VPS13C: variants seen among roughly 807,000 people sequenced by gnomAD.
VPS13C encodes intermembrane lipid transfer protein VPS13C.
VPS13C carries 358 observed loss-of-function variants against 456.8 expected under a neutral mutation model. The ratio of observed to expected loss-of-function variants is 0.78; its 90% confidence interval spans 0.72 to 0.86. The LOEUF is 0.86. VPS13C is among the 40% of genes least tolerant of loss of function. VPS13C has a pLI of 0.00. For synonymous variants in VPS13C, 1,578 were observed against 1,486.7 expected, an observed-to-expected ratio of 1.06 and a Z score of -1.41; for missense variants, 4,818 against 4,385.4, an observed-to-expected ratio of 1.10 and a Z score of -2.79.
At chr15:62,041,762 G>T (rs1287073199) in intron 2 of VPS13C, among the ~76,000 whole-genome samples, 1 of 152,208 alleles carries the variant, frequency 6.6e-6, no homozygotes, top group East Asian at 1.9e-4. Flanking sequence ...AGAGGTTGCA[G>T]TGAGTCGGGA....
At chr15:61,874,850 C>T (rs1274428318) in intron 77 of VPS13C, 26 bp downstream of exon 77, 4 of 1,543,434 alleles carry the variant, frequency 2.6e-6, no homozygotes, top group Non-Finnish European at 3.5e-6. Flanking sequence ...AAAATATACA[C>T]ATATACACAA....
chr15:61,863,013 G>A (rs562035045), intron 82 of VPS13C, among the ~76,000 whole-genome samples: 27 of 152,226 alleles, frequency 1.8e-4, no homozygotes, highest in African/African-American at 6.3e-4. Flanking sequence ...AGGAAAAGCT[G>A]AGATAAACAT....
At chr15:61,869,896 G>C (rs145642983) in intron 79 of VPS13C, among the ~76,000 whole-genome samples, 2,376 of 152,280 alleles carry the variant, frequency 0.016, 30 homozygotes, top group Non-Finnish European at 0.025. Context: ...CACTCCAGGT[G>C]ATCCTGACAC....
rs971658927 is a variant in VPS13C, at chr15:61,987,748, A to G, written c.1579-2749T>C. Among the ~76,000 whole-genome samples the G allele has an allele frequency of 5.3e-5, 8 of 152,332 alleles. No individual in the cohort carries two copies. The South Asian group carries it at 1.7e-3, about 32-fold the overall frequency. On this transcript the variant is annotated intron_variant, in intron 18 of 84. Transcript: ENST00000644861. ...AAATTAAAAAGCCTGGCAATATCAAATGTGGTCAAGAATATGTAGCAACTG... is the reference window on the plus strand; with the variant it reads ...AAATTAAAAAGCCTGGCAATATCAAGTGTGGTCAAGAATATGTAGCAACTG...
chr15:62,017,404 T>C (rs2047295118), intron 9 of VPS13C, among the ~76,000 whole-genome samples: 1 of 152,210 alleles, frequency 6.6e-6, no homozygotes, highest in Middle Eastern at 3.4e-3. Flanking sequence ...TCTTCTAGGG[T>C]TTTTATGGTT....
At chr15:61,887,886 A>C (rs1302909413) in intron 67 of VPS13C, among the ~76,000 whole-genome samples, 1 of 152,156 alleles carries the variant, frequency 6.6e-6, no homozygotes, top group Non-Finnish European at 1.5e-5. Context: ...TTCTGCTGTT[A>C]AAAGCAGTTG....
rs921017356 is a variant in VPS13C, at chr15:61,919,391, C to T, written c.7536G>A (p.Leu2512=). 3 of 1,603,120 alleles carry T rather than the reference C, an allele frequency of 1.9e-6. No individual in the cohort carries two copies. Among genetic ancestry groups the T allele is most frequent in the African/African-American group, 2.7e-5 (2 of 74,212 alleles). The change falls in exon 58 of 85, where the codon TTG becomes TTA. Residue 2512 remains leucine, a synonymous_variant. Coordinates refer to ENST00000644861, the MANE Select transcript of VPS13C (RefSeq NM_020821.3). ...TGGCATTGGGATTCCGTACATTATA[C>T]AATCGCCGTCCAGGTCTGGCCACAG... The part of the protein sequence containing the change: ...NIPVARPGRR[L]YNVRNPNASH...
At chr15:61,865,341 G>T in intron 81 of VPS13C, 1 of 978,234 alleles carries the variant, frequency 1.0e-6, no homozygotes, top group Non-Finnish European at 1.2e-6. Flanking sequence ...ATTAAGACGA[G>T]ATAAAAACAC....
At position 61,884,278 on chromosome 15, in the gene VPS13C, T is replaced by C; in HGVS notation, c.9342-9A>G. 1 of 1,606,712 alleles carries C rather than the reference T, an allele frequency of 6.2e-7. No individual in the cohort carries two copies. The highest frequency in any genetic ancestry group is 8.5e-7 in the Non-Finnish European group (1 of 1,178,102). The stretch of plus-strand genomic sequence containing the variant: ...CCCAAACAACACCAGAACTAAATAA[T>C]TCACACAAAAAAATTAAATTAGCAA... On this transcript the variant is annotated splice_polypyrimidine_tract_variant and intron_variant, in intron 67 of 84. Coordinates refer to ENST00000644861, the MANE Select transcript of VPS13C (RefSeq NM_020821.3).
intron 83 of VPS13C, among the ~76,000 whole-genome samples, chr15:61,855,459 A>T (rs1161272919): frequency 1.3e-5 from 2 of 152,156 alleles, no homozygotes; most frequent in Non-Finnish European, 2.9e-5. Context: ...GACACTCTAC[A>T]ATGTAGTAAT....
In VPS13C at chr15:61,947,294, G is replaced by A. The variant is rs11629838; in HGVS notation, c.4775C>T (p.Ser1592Phe). ...IAVKAVSSNI[S>F]QKDVFDLKIT... ...CTTTAAATCAAACACATCCTTTTGG[G>A]AAATGTTGCTGGATACTAAAAAATA... The change falls in exon 43 of 85, where the codon TCC becomes TTC. Residue 1592 changes from serine to phenylalanine, a missense_variant. Physicochemically the swap from Ser to Phe is radical, Grantham distance 155 (BLOSUM62 -2). This residue lies in a region of VPS13C where 4,552 missense variants were observed against 4,130.6 expected (regional missense o/e 1.10). Coordinates refer to ENST00000644861, the MANE Select transcript of VPS13C (RefSeq NM_020821.3). The A allele has an allele frequency of 1.9e-6, 3 of 1,608,008 alleles. No individual in the cohort carries two copies. Among genetic ancestry groups the A allele is most frequent in the Admixed American group, 1.7e-5 (1 of 58,778 alleles).
At chr15:62,016,248 C>T (rs2140535030) in intron 9 of VPS13C, among the ~76,000 whole-genome samples, 1 of 150,940 alleles carries the variant, frequency 6.6e-6, no homozygotes, top group African/African-American at 2.4e-5. Context: ...ATATGGTTCA[C>T]TGTCCTTAAC....
At chr15:61,899,777 T>C in intron 66 of VPS13C, among the ~76,000 whole-genome samples, 1 of 151,946 alleles carries the variant, frequency 6.6e-6, no homozygotes. Flanking sequence ...CCAGCATCAT[T>C]CTGATACCAA....
At chr15:61,921,557 A>T (rs1271178596) in intron 55 of VPS13C, among the ~76,000 whole-genome samples, 1 of 152,140 alleles carries the variant, frequency 6.6e-6, no homozygotes, top group Non-Finnish European at 1.5e-5. Flanking sequence ...AACTGAAAAA[A>T]AATTAAAAAT....
At chr15:61,995,377 T>G (rs767827627) in intron 16 of VPS13C, among the ~76,000 whole-genome samples, 14 of 152,146 alleles carry the variant, frequency 9.2e-5, no homozygotes, top group Non-Finnish European at 1.6e-4. Flanking sequence ...GCCCACCCCA[T>G]TCCACCCCAC....
At chr15:62,048,627 G>C (rs2048510769) in intron 1 of VPS13C, among the ~76,000 whole-genome samples, 1 of 152,080 alleles carries the variant, frequency 6.6e-6, no homozygotes, top group East Asian at 1.9e-4. Context: ...CCAGTAATGG[G>C]ATGGCTGGGT....
At chr15:61,962,291 T>TTA in intron 34 of VPS13C, 80 bp downstream of exon 34, 1 of 1,339,114 alleles carries the variant, frequency 7.5e-7, no homozygotes, top group South Asian at 1.7e-5. Flanking sequence ...AATCCAAGGT[T>TTA]TATAACATTT....
At chr15:62,012,417 G>GA (rs1434787436) in intron 11 of VPS13C, among the ~76,000 whole-genome samples, 2 of 151,754 alleles carry the variant, frequency 1.3e-5, no homozygotes, top group Non-Finnish European at 2.9e-5. Flanking sequence ...CTCTGACTCC[G>GA]AAAAAATGTA....
intron 67 of VPS13C, among the ~76,000 whole-genome samples, chr15:61,884,823 G>A (rs1175884660): frequency 6.6e-6 from 1 of 152,066 alleles, no homozygotes; most frequent in African/African-American, 2.4e-5. Context: ...GATAGGTGCT[G>A]CCAAATACTG....
Sources: allele counts gnomAD v4.1 joint callset (sites outside exome capture counted in the v4.1 genomes callset), GRCh38; gene constraint gnomAD v4.1.1; regional missense constraint gnomAD v4.1.1; transcripts MANE v1.5; gene names NCBI Gene and HGNC (gene_info 2026-07-23, HGNC 2026-07-21).